Variants in APPBP2 observed in about 807,000 individuals in gnomAD.
APPBP2 encodes the protein amyloid beta precursor protein binding protein 2.
In APPBP2, 15 loss-of-function variants were observed where a neutral mutation model predicts 76.0. The ratio of observed to expected loss-of-function variants is 0.20; its 90% CI spans 0.13 to 0.30. The LOEUF (loss-of-function observed/expected upper bound fraction) is 0.30. Among genes scored for constraint, APPBP2 ranks in the 10% least tolerant of loss-of-function variants. The probability of loss-of-function intolerance (pLI) is 1.00; values close to 1 mark genes in which losing one functional copy is unlikely to be tolerated. For synonymous variants in APPBP2, 222 were observed against 242.2 expected (o/e 0.92, Z 0.77); for missense variants, 401 against 687.2 (o/e 0.58, Z 4.66).
At chr17:60,510,472 A>G (rs1598373497) in intron 1 of APPBP2, among the ~76,000 whole-genome samples, 1 of 152,216 alleles carries the variant, frequency 6.6e-6, no homozygotes, top group African/African-American at 2.4e-5. Context: ...CTGTAATCCC[A>G]GCACTCTGGG....
intron 12 of APPBP2, among the ~76,000 whole-genome samples, chr17:60,449,979 T>C (rs1408812219): frequency 6.6e-6 from 1 of 151,950 alleles, no homozygotes; most frequent in East Asian, 2.0e-4. Flanking sequence ...GTCTTTTTAG[T>C]TGAGACGGGG....
chr17:60,448,581 C>T (rs1210862595), intron 12 of APPBP2, among the ~76,000 whole-genome samples: 1 of 152,204 alleles, frequency 6.6e-6, no homozygotes, highest in African/African-American at 2.4e-5. Flanking sequence ...GTTTAATCAA[C>T]TGTGGTACCT....
In APPBP2 at chr17:60,493,705, T is replaced by C. The variant is rs1412489309; in HGVS notation, c.379+761A>G. Among the ~76,000 whole-genome samples, 4 of 147,224 alleles carry C rather than the reference T, an allele frequency of 2.7e-5. 1 individual carries two copies. Among genetic ancestry groups the C allele is most frequent in the Admixed American group, 1.3e-4 (2 of 14,858 alleles). Reference sequence around the variant, plus strand: ...CCCAGGCTGGAGTGCAGTGGCACAATCTAGGCTCAATGCAACCTCCACCTC... The same window carrying C: ...CCCAGGCTGGAGTGCAGTGGCACAACCTAGGCTCAATGCAACCTCCACCTC... On this transcript the variant is annotated intron_variant, in intron 3 of 12. Transcript: ENST00000083182.
At chr17:60,481,703 C>T (rs1210005476) in intron 3 of APPBP2, among the ~76,000 whole-genome samples, 1 of 152,138 alleles carries the variant, frequency 6.6e-6, no homozygotes, top group Non-Finnish European at 1.5e-5. Flanking sequence ...AAATCCAGAA[C>T]CAAATTTATT....
intron 6 of APPBP2, among the ~76,000 whole-genome samples, chr17:60,463,598 G>C (rs2090490731): frequency 6.6e-6 from 1 of 152,220 alleles, no homozygotes; most frequent in African/African-American, 2.4e-5. Flanking sequence ...CTTGCTGTGA[G>C]ACTGCAATAC....
chr17:60,473,156 C>T (rs1008044312), intron 4 of APPBP2, among the ~76,000 whole-genome samples: 3 of 152,068 alleles, frequency 2.0e-5, no homozygotes, highest in Admixed American at 6.5e-5. Flanking sequence ...CAGTTTGTTC[C>T]TCTATTCACT....
At chr17:60,516,846 T>C (rs376550538) in intron 1 of APPBP2, among the ~76,000 whole-genome samples, 21 of 152,348 alleles carry the variant, frequency 1.4e-4, no homozygotes, top group Middle Eastern at 3.4e-3. Flanking sequence ...AACATTTTCA[T>C]TGAGTCACTG....
At chr17:60,512,958 C>CT (rs58923452) in intron 1 of APPBP2, among the ~76,000 whole-genome samples, 15,047 of 127,070 alleles carry the variant, frequency 0.12, 2,797 homozygotes, top group African/African-American at 0.4. Context: ...TTTTCTTTTC[C>CT]TTTTTTTTTT....
rs1395083859 is a variant in APPBP2, at chr17:60,460,019, T to A, written c.1061+644A>T. On this transcript the variant is annotated intron_variant, in intron 9 of 12. Coordinates refer to ENST00000083182, the MANE Select transcript of APPBP2 (RefSeq NM_006380.5). ...CTCAGTTATATATTTAAAAAGACAA[T>A]TGTTATTCAGTATTTCTATGTGTTA... 3 of 152,224 alleles carry A rather than the reference T, an allele frequency of 2.0e-5. No individual in the cohort carries two copies. In the East Asian group the frequency reaches 5.8e-4, roughly 29 times the overall value. 9.4% of individuals were successfully genotyped at this position (152,224 alleles called of 1,614,324 possible).
chr17:60,449,827 T>C (rs766895700), intron 12 of APPBP2, among the ~76,000 whole-genome samples: 1 of 152,096 alleles, frequency 6.6e-6, no homozygotes, highest in Non-Finnish European at 1.5e-5. Context: ...AGACGTAGTC[T>C]TGCTCCGTCA....
chr17:60,466,189 G>T, intron 5 of APPBP2, 102 bp downstream of exon 5: 1 of 1,173,284 alleles, frequency 8.5e-7, no homozygotes, highest in Non-Finnish European at 1.2e-6. Context: ...AACCTAATAT[G>T]TAAAAGAGAT....
intron 1 of APPBP2, among the ~76,000 whole-genome samples, chr17:60,517,429 C>T (rs995993219): frequency 6.6e-6 from 1 of 152,168 alleles, no homozygotes; most frequent in African/African-American, 2.4e-5. Flanking sequence ...CTTAATATAG[C>T]ACCAATTTAT....
intron 1 of APPBP2, among the ~76,000 whole-genome samples, chr17:60,501,151 A>G (rs2143455043): frequency 6.6e-6 from 1 of 152,132 alleles, no homozygotes; most frequent in African/African-American, 2.4e-5. Context: ...CTATTTATAA[A>G]ATATAAATAA....
chr17:60,468,016 G>C (rs1291512445), intron 4 of APPBP2, among the ~76,000 whole-genome samples: 1 of 152,174 alleles, frequency 6.6e-6, no homozygotes, highest in Non-Finnish European at 1.5e-5. Flanking sequence ...TAAGGGAGGT[G>C]ATTTGACTTA....
At chr17:60,493,536 G>T (rs2090748006) in intron 3 of APPBP2, among the ~76,000 whole-genome samples, 1 of 151,630 alleles carries the variant, frequency 6.6e-6, no homozygotes, top group Non-Finnish European at 1.5e-5. Flanking sequence ...GTTTTGCTAT[G>T]TTGCCCAGGC....
At chr17:60,516,463 A>C (rs981554667) in intron 1 of APPBP2, among the ~76,000 whole-genome samples, 1 of 152,208 alleles carries the variant, frequency 6.6e-6, no homozygotes, top group African/African-American at 2.4e-5. Context: ...AAAGGGAGAA[A>C]GTTTAGGAAC....
rs2090913307 is a variant in APPBP2 at position 60,511,551 on chromosome 17, T to C, written c.139-11064A>G. On this transcript the variant is annotated intron_variant, in intron 1 of 12. Coordinates refer to ENST00000083182, the MANE Select transcript of APPBP2 (RefSeq NM_006380.5). ...GGTGAGCCGAGATCGCATCACTGTA[T>C]TCCAGCCTGGCGACAGAGCAAGACT... Among the ~76,000 whole-genome samples, 8 of 150,982 alleles carry C rather than the reference T, an allele frequency of 5.3e-5. No homozygotes were observed. In the South Asian group the frequency reaches 1.7e-3, roughly 32 times the overall value.
intron 1 of APPBP2, chr17:60,513,487 CGAA>C (rs2090936060): frequency 7.1e-6 from 4 of 561,614 alleles, no homozygotes; most frequent in South Asian, 2.0e-5. Context: ...AAGATGGACA[CGAA>C]GAAGGAGGAA....
intron 9 of APPBP2, among the ~76,000 whole-genome samples, chr17:60,457,876 G>C (rs1252926696): frequency 6.6e-6 from 1 of 152,208 alleles, no homozygotes; most frequent in Non-Finnish European, 1.5e-5. Context: ...TCACAGAGTA[G>C]TATGCCAATC....
Sources: allele counts gnomAD v4.1 joint callset (sites outside exome capture counted in the v4.1 genomes callset), GRCh38; gene constraint gnomAD v4.1.1; transcripts MANE v1.5; gene names NCBI Gene and HGNC (gene_info 2026-07-23, HGNC 2026-07-21).